The following PUDP variants were observed in gnomAD, a reference collection of about 807,000 sequenced individuals.
PUDP encodes the protein pseudouridine-5'-phosphatase.
Under a neutral mutation model 9.4 loss-of-function variants are expected in PUDP, and 8 were observed. The ratio of observed to expected loss-of-function variants is 0.85; its 90% CI spans 0.50 to 1.53. PUDP has a LOEUF of 1.53. Ranked by LOEUF, PUDP falls within the 40% of genes most tolerant of loss-of-function variation. The pLI is 0.00. For synonymous variants in PUDP, 99 were observed against 80.7 expected, an observed-to-expected ratio of 1.23 and a Z score of -1.22; for missense variants, 188 against 189.7, an observed-to-expected ratio of 0.99 and a Z score of 0.05.
At chrX:7,015,022 C>T (rs1382422766) in intron 1 of PUDP, among the ~76,000 whole-genome samples, 1 of 111,853 alleles carries the variant, frequency 8.9e-6, no homozygotes, top group East Asian at 2.8e-4. Flanking sequence ...CAGAATATAT[C>T]GAATTCACTC....
intron 3 of PUDP, among the ~76,000 whole-genome samples, chrX:7,071,543 C>T (rs1930732042): frequency 9.0e-6 from 1 of 111,059 alleles, no homozygotes; most frequent in South Asian, 3.8e-4. Context: ...GCACTAATCC[C>T]ACCCTCTGTT....
Position 7,050,198 on chromosome X carries a change from G to T in PUDP, c.*98C>A. ...AATCTCAGGAGGCTAAAATCACAGC[G>T]CAGGTTGGGATTGAAGAGTTGCTGA... On this transcript the variant is annotated 3_prime_UTR_variant, in exon 4 of 4. Coordinates refer to ENST00000381077, the MANE Select transcript of PUDP (RefSeq NM_012080.5). 1.2e-6 allele frequency: 1 copy of T among 821,465 alleles called. No homozygotes were observed. The highest frequency in any genetic ancestry group is 1.7e-6 in the Non-Finnish European group (1 of 585,569). The allele number at this position is 821,465 out of a possible 1,213,427, so 67.7% of individuals were successfully genotyped here.
At chrX:6,742,106 G>A (rs1016993919) in intron 3 of PUDP, among the ~76,000 whole-genome samples, 2 of 111,339 alleles carry the variant, frequency 1.8e-5, no homozygotes, top group Non-Finnish European at 3.8e-5. Flanking sequence ...TGCCCGCCTC[G>A]GACTCTCAAA....
intron 3 of PUDP, among the ~76,000 whole-genome samples, chrX:6,946,198 G>A (rs148079333): frequency 0.018 from 1,957 of 111,745 alleles, 48 homozygotes; most frequent in African/African-American, 0.06. Context: ...GACATCAGAA[G>A]GCTGAGAACT....
At chrX:7,141,721 G>A (rs775378763) in intron 1 of PUDP, among the ~76,000 whole-genome samples, 1 of 112,889 alleles carries the variant, frequency 8.9e-6, no homozygotes, top group South Asian at 3.6e-4. Context: ...CTAGAGAGGA[G>A]AAGTCAGTGT....
At chrX:6,850,691 G>A (rs57313175) in intron 3 of PUDP, among the ~76,000 whole-genome samples, 10,935 of 111,814 alleles carry the variant, frequency 0.098, 625 homozygotes, top group East Asian at 0.46. Context: ...CATAATCCCC[G>A]AAGGAGTGAA....
intron 3 of PUDP, among the ~76,000 whole-genome samples, chrX:6,901,691 A>T (rs757307326): frequency 8.9e-6 from 1 of 112,458 alleles, no homozygotes; most frequent in South Asian, 3.7e-4. Flanking sequence ...GCGATGCATC[A>T]CTCTATCTAA....
chrX:6,965,492 A>G, intron 3 of PUDP, among the ~76,000 whole-genome samples: 1 of 112,501 alleles, frequency 8.9e-6, no homozygotes, highest in Middle Eastern at 4.6e-3. Context: ...GATTATGCCC[A>G]TTTTGTTTGC....
intron 1 of PUDP, among the ~76,000 whole-genome samples, chrX:7,118,413 A>G (rs1932254056): frequency 8.9e-6 from 1 of 112,216 alleles, no homozygotes; most frequent in Non-Finnish European, 1.9e-5. Context: ...CTTGCCTTCC[A>G]TGAATAAATA....
At chrX:6,909,554 G>T (rs1927818584) in intron 3 of PUDP, among the ~76,000 whole-genome samples, 1 of 111,946 alleles carries the variant, frequency 8.9e-6, no homozygotes, top group Non-Finnish European at 1.9e-5. Context: ...ACATAGCCAT[G>T]CCCATTCCTT....
intron 3 of PUDP, among the ~76,000 whole-genome samples, chrX:6,951,220 C>CCATT (rs1928550527): frequency 1.1e-5 from 1 of 87,786 alleles, no homozygotes; most frequent in African/African-American, 3.9e-5. Context: ...TACCCATCAT[C>CCATT]CATCCATCCA....
intron 3 of PUDP, among the ~76,000 whole-genome samples, chrX:6,767,900 G>A (rs915933835): frequency 2.7e-5 from 3 of 111,071 alleles, no homozygotes; most frequent in African/African-American, 6.6e-5. Context: ...AGTCTATTCC[G>A]AATCTGGGGT....
In PUDP at chrX:6,982,173, C is replaced by T. The variant is rs904266334; in HGVS notation, c.205-3830G>A. 4.5e-5 allele frequency among the ~76,000 whole-genome samples: 5 copies of T among 111,474 alleles called. No homozygotes were observed. In the Admixed American group the frequency reaches 4.8e-4, roughly 11 times the overall value. ...AGAAATTAGAACTTACGGAGCCACACACACACACACAGACACAATGTGTAC... is the reference window on the plus strand; with the variant it reads ...AGAAATTAGAACTTACGGAGCCACATACACACACACAGACACAATGTGTAC... On this transcript the variant is annotated intron_variant and NMD_transcript_variant, in intron 1 of 3. Coordinates refer to the PUDP transcript ENST00000655425.
chrX:7,105,971 G>T (rs1348009632), intron 1 of PUDP, 133 bp from the exon 2 acceptor site: 1 of 443,693 alleles, frequency 2.3e-6, no homozygotes, highest in African/African-American at 2.5e-5. Flanking sequence ...TAAGTGAACA[G>T]GAGAAAGGCT....
At chrX:7,024,591 CTTTT>C (rs34428928) in intron 1 of PUDP, among the ~76,000 whole-genome samples, 1 of 91,467 alleles carries the variant, frequency 1.1e-5, no homozygotes, top group Non-Finnish European at 2.1e-5. Flanking sequence ...AGCCTTCTCT[CTTTT>C]TTTTTTTTTG....
chrX:6,738,166 C>T (rs1924895583), intron 3 of PUDP, among the ~76,000 whole-genome samples: 2 of 111,320 alleles, frequency 1.8e-5, no homozygotes, highest in South Asian at 3.9e-4. Flanking sequence ...GTTGGTCCCC[C>T]AGTCCACATC....
chrX:6,888,309 A>T, intron 3 of PUDP, among the ~76,000 whole-genome samples: 1 of 110,275 alleles, frequency 9.1e-6, no homozygotes. Context: ...GGCCCCAGAA[A>T]AGGTAATTGA....
intron 3 of PUDP, among the ~76,000 whole-genome samples, chrX:6,772,643 AAAG>A (rs1170726546): frequency 2.7e-5 from 3 of 109,629 alleles, no homozygotes; most frequent in Admixed American, 2.0e-4. Flanking sequence ...AAAAAAAAAA[AAAG>A]AAGGTCAGGC....
intron 3 of PUDP, among the ~76,000 whole-genome samples, chrX:6,744,354 C>G (rs1022590003): frequency 3.6e-5 from 4 of 111,628 alleles, no homozygotes; most frequent in African/African-American, 1.3e-4. Flanking sequence ...GCACAAAAAT[C>G]TTCATAATTG....
Sources: gnomAD v4.1 joint callset for allele counts (sites outside exome capture counted in the v4.1 genomes callset) on GRCh38, gnomAD v4.1.1 for gene constraint, MANE v1.5 for transcripts, NCBI Gene and HGNC (gene_info 2026-07-23, HGNC 2026-07-21) for gene names.